The following PIK3CB variants were observed in gnomAD, a reference collection of about 807,000 sequenced individuals.
PIK3CB encodes phosphatidylinositol-4,5-bisphosphate 3-kinase catalytic subunit beta.
PIK3CB carries 39 observed loss-of-function variants against 136.8 expected under a neutral mutation model. The ratio of observed to expected loss-of-function variants is 0.29; its 90% confidence interval spans 0.22 to 0.37. The LOEUF (loss-of-function observed/expected upper bound fraction) is 0.37. Ranked by LOEUF, PIK3CB falls within the 10% of genes least tolerant of loss-of-function variation. The probability of loss-of-function intolerance (pLI) is 1.00; values close to 1 mark genes in which losing one functional copy is unlikely to be tolerated. For synonymous variants in PIK3CB, 428 were observed against 436.6 expected, an observed-to-expected ratio of 0.98 and a Z score of 0.25; for missense variants, 868 against 1,275.4, an observed-to-expected ratio of 0.68 and a Z score of 4.87.
chr3:138,716,286 A>G (rs2044604920), intron 8 of PIK3CB, among the ~76,000 whole-genome samples: 2 of 152,140 alleles, frequency 1.3e-5, no homozygotes, highest in Non-Finnish European at 2.9e-5. Context: ...CCAGCTCCCC[A>G]AGTACTGAGA....
intron 2 of PIK3CB, among the ~76,000 whole-genome samples, chr3:138,774,687 G>A (rs1024177346): frequency 3.3e-5 from 5 of 152,146 alleles, no homozygotes; most frequent in African/African-American, 1.2e-4. Context: ...TGGTGGTGCT[G>A]GTGAGTAACT....
intron 9 of PIK3CB, among the ~76,000 whole-genome samples, chr3:138,713,622 G>T (rs1023755411): frequency 8.5e-5 from 13 of 152,144 alleles, no homozygotes; most frequent in Admixed American, 2.6e-4. Flanking sequence ...AGTGAGCCGA[G>T]ATCGTGCCAT....
At position 138,796,501 on chromosome 3, in the gene PIK3CB, C is replaced by G. The variant is rs2046110900; in HGVS notation, c.-55G>C. ...CCCCCATTTCAGTCTTTTAGGAAAA[C>G]AGATGGCATTACTTATTTTTTAAAA... On this transcript the variant is annotated 5_prime_UTR_variant, in exon 2 of 24. Transcript: ENST00000674063. 6.7e-6 allele frequency: 1 copy of G among 150,218 alleles called. No homozygotes were observed. The highest frequency in any genetic ancestry group is 1.5e-5 in the Non-Finnish European group (1 of 67,692). 9.3% of individuals were successfully genotyped at this position (150,218 alleles called of 1,614,324 possible).
At chr3:138,718,234 G>A (rs1030720678) in intron 8 of PIK3CB, among the ~76,000 whole-genome samples, 2 of 152,178 alleles carry the variant, frequency 1.3e-5, no homozygotes, top group Admixed American at 1.3e-4. Context: ...ACTGGTGTGA[G>A]ATGGTATCTC....
At chr3:138,658,611 A>G (rs1028130309) in intron 21 of PIK3CB, among the ~76,000 whole-genome samples, 10 of 152,188 alleles carry the variant, frequency 6.6e-5, no homozygotes, top group African/African-American at 2.2e-4. Context: ...TTTGCTCCCT[A>G]ATTGTATATT....
chr3:138,705,167 A>AAAAAAAC (rs1559828540), intron 11 of PIK3CB, among the ~76,000 whole-genome samples: 9 of 96,300 alleles, frequency 9.3e-5, no homozygotes, highest in Non-Finnish European at 1.4e-4. Context: ...AAAAAAAAAA[A>AAAAAAAC]AAAAAACAAA....
intron 2 of PIK3CB, among the ~76,000 whole-genome samples, chr3:138,776,054 C>T (rs1286651421): frequency 6.6e-6 from 1 of 151,926 alleles, no homozygotes; most frequent in East Asian, 1.9e-4. Context: ...AAAAATTAGC[C>T]GGGCGTGGTG....
Position 138,666,248 on chromosome 3 carries a change from T to C in PIK3CB, c.2505-1045A>G, listed in dbSNP as rs78193215. 2.8e-3 allele frequency among the ~76,000 whole-genome samples: 425 copies of C among 152,190 alleles called. 1 individual carries two copies. The highest frequency in any genetic ancestry group is 4.7e-3 in the Non-Finnish European group (318 of 68,010). On this transcript the variant is annotated intron_variant, in intron 19 of 23. Transcript: ENST00000674063. ...GCAGTGACACGATCATAGCTCACCA[T>C]AGCGTCAAATCCCTGGGCTCAAGGC...
At chr3:138,659,893 T>C (rs1363947449) in intron 21 of PIK3CB, among the ~76,000 whole-genome samples, 11 of 100,018 alleles carry the variant, frequency 1.1e-4, no homozygotes, top group African/African-American at 3.6e-4. Flanking sequence ...TTTTTTTTTT[T>C]GAGACGGAGT....
At chr3:138,750,706 C>T (rs1300938714) in intron 4 of PIK3CB, among the ~76,000 whole-genome samples, 4 of 152,192 alleles carry the variant, frequency 2.6e-5, no homozygotes. Flanking sequence ...CAGCCCAATA[C>T]ACCCCTTTCT....
intron 1 of PIK3CB, among the ~76,000 whole-genome samples, chr3:138,806,860 G>C (rs1300511290): frequency 6.6e-6 from 1 of 152,202 alleles, no homozygotes; most frequent in East Asian, 1.9e-4. Flanking sequence ...CTGGAATATT[G>C]CAGATTCTAG....
chr3:138,812,045 C>A (rs989890488), intron 1 of PIK3CB, among the ~76,000 whole-genome samples: 2 of 151,962 alleles, frequency 1.3e-5, no homozygotes, highest in Non-Finnish European at 2.9e-5. Flanking sequence ...GAGTTATGAT[C>A]GTACCACTAT....
intron 17 of PIK3CB, 137 bp from the exon 18 acceptor site, chr3:138,683,924 T>C (rs1577069070): frequency 3.4e-6 from 2 of 590,148 alleles, no homozygotes; most frequent in South Asian, 2.2e-5. Context: ...CTTAGAAGAG[T>C]CCCACTTGGT....
intron 2 of PIK3CB, chr3:138,778,807 C>T: frequency 4.4e-6 from 1 of 229,258 alleles, no homozygotes; most frequent in Non-Finnish European, 8.9e-6. Context: ...TGCACATGGC[C>T]TCCTGGACCA....
At chr3:138,674,174 C>A (rs1184298308) in intron 19 of PIK3CB, among the ~76,000 whole-genome samples, 1 of 151,664 alleles carries the variant, frequency 6.6e-6, no homozygotes, top group Non-Finnish European at 1.5e-5. Context: ...ATCTAGAAGG[C>A]CGTGTGCATG....
In PIK3CB at chr3:138,737,613, T is replaced by C. The variant is rs919796245; in HGVS notation, c.801+94A>G. ...TTTCTGTATATTCCAAATGTTCCAG[T>C]GTGGGAACACATTTTTAAAGTCAGA... On this transcript the variant is annotated intron_variant, in intron 6 of 23. Coordinates refer to ENST00000674063, the MANE Select transcript of PIK3CB (RefSeq NM_006219.3). 6.2e-5 allele frequency: 22 copies of C among 357,602 alleles called. No homozygotes were observed. In the Admixed American group the frequency reaches 8.4e-4, roughly 14 times the overall value. The allele number at this position is 357,602 out of a possible 1,614,324, so 22.2% of individuals were successfully genotyped here. A position where few individuals can be genotyped will look rare whatever the true frequency, so the allele number is the denominator to read the frequency against.
At chr3:138,759,067 T>G in intron 3 of PIK3CB, 106 bp downstream of exon 3, 1 of 673,484 alleles carries the variant, frequency 1.5e-6, no homozygotes, top group East Asian at 2.9e-5. Context: ...ACTTCATTAC[T>G]ATCATTATCA....
intron 6 of PIK3CB, among the ~76,000 whole-genome samples, chr3:138,736,848 A>C (rs563072978): frequency 2.0e-5 from 3 of 152,356 alleles, no homozygotes; most frequent in Non-Finnish European, 2.9e-5. Flanking sequence ...AAAAAGGGGC[A>C]AGGGAAATTC....
chr3:138,832,229 T>C lies in PIK3CB; in HGVS notation c.-122+2466A>G, dbSNP rs149689052. ...GAGTCTTTAAGAACACCAAGAAAGATAGGCAAGAGGTGCAAAATGACAAAT... is the reference window on the plus strand; with the variant it reads ...GAGTCTTTAAGAACACCAAGAAAGACAGGCAAGAGGTGCAAAATGACAAAT... On this transcript the variant is annotated intron_variant, in intron 1 of 23. Transcript: ENST00000674063. 1.2e-4 allele frequency among the ~76,000 whole-genome samples: 19 copies of C among 152,196 alleles called. No homozygotes were observed. The East Asian group carries it at 2.3e-3, about 19-fold the overall frequency.
Sources: gnomAD v4.1 joint callset for allele counts (sites outside exome capture counted in the v4.1 genomes callset) on GRCh38, gnomAD v4.1.1 for gene constraint, MANE v1.5 for transcripts, NCBI Gene and HGNC (gene_info 2026-07-23, HGNC 2026-07-21) for gene names.